The following PEX3 variants were observed in gnomAD, a reference collection of about 807,000 sequenced individuals.
PEX3 encodes peroxin-3.
A neutral mutation model predicts 55.8 loss-of-function variants in PEX3; 30 were observed. The observed-to-expected ratio is 0.54, with a 90% CI of 0.40 to 0.73. The LOEUF (loss-of-function observed/expected upper bound fraction) is 0.73, where lower values mean the gene tolerates loss of function less well. Ranked by LOEUF, PEX3 falls within the 30% of genes least tolerant of loss-of-function variation. The pLI, the probability that PEX3 is intolerant of heterozygous loss-of-function variation, is 0.00. For synonymous variants in PEX3, 135 were observed against 148.4 expected, an observed-to-expected ratio of 0.91 and a Z score of 0.66; for missense variants, 351 against 432.8, an observed-to-expected ratio of 0.81 and a Z score of 1.68.
chr6:143,485,705 AAC>A lies in PEX3; in HGVS notation c.1038+459_1038+460del, dbSNP rs567967151. Among the ~76,000 whole-genome samples, 319 of 152,220 alleles carry A rather than the reference AAC, an allele frequency of 2.1e-3. 1 individual carries two copies. Among genetic ancestry groups the A allele is most frequent in the Middle Eastern group, 6.8e-3 (2 of 294 alleles). ...TAATATGCTCACTAAAAGCCACATA[AAC>A]AGTGGGTCATTTAAATGTTTTATCA... On this transcript the variant is annotated intron_variant, in intron 11 of 11. Transcript: ENST00000367591. This position sits in a 1 kb window ranked among gnomAD's most constrained non-coding sequence, Gnocchi z 5.6.
In PEX3 at chr6:143,486,324, G is replaced by A. The variant is rs1780322847; in HGVS notation, c.1038+1076G>A. On this transcript the variant is annotated intron_variant, in intron 11 of 11. Transcript: ENST00000367591. The surrounding 1 kb of genome is among the most constrained non-coding windows in gnomAD (Gnocchi z 5.0). ...TTTACCTTTGTCCTCTTCTGTAGAAGTCCCTGGCTTGGCCAGTAGGCTGTT... is the reference window on the plus strand; with the variant it reads ...TTTACCTTTGTCCTCTTCTGTAGAAATCCCTGGCTTGGCCAGTAGGCTGTT... Among the ~76,000 whole-genome samples the A allele has an allele frequency of 6.6e-6, 1 of 152,124 alleles. No individual in the cohort carries two copies. Among genetic ancestry groups the A allele is most frequent in the Admixed American group, 6.6e-5 (1 of 15,250 alleles).
intron 10 of PEX3, among the ~76,000 whole-genome samples, chr6:143,481,245 A>G (rs936888955): frequency 6.6e-5 from 10 of 150,892 alleles, no homozygotes; most frequent in Admixed American, 2.0e-4. Context: ...TATAATGGAT[A>G]TTTAAAAGTC....
chr6:143,468,792 C>A (rs1780025626), intron 4 of PEX3, among the ~76,000 whole-genome samples: 1 of 107,620 alleles, frequency 9.3e-6, no homozygotes, highest in African/African-American at 3.5e-5. Flanking sequence ...GGTATATCTC[C>A]TAATGCTATC....
intron 8 of PEX3, 71 bp downstream of exon 8, chr6:143,472,399 T>G: frequency 9.1e-7 from 1 of 1,100,076 alleles, no homozygotes. Flanking sequence ...CTTGAAATTT[T>G]GATTTCTGAG....
In PEX3 at chr6:143,459,982, A is replaced by G. The variant is rs1779898170; in HGVS notation, c.205+766A>G. On this transcript the variant is annotated intron_variant, in intron 2 of 11. Coordinates refer to ENST00000367591, the MANE Select transcript of PEX3 (RefSeq NM_003630.3). The surrounding 1 kb of genome is among the most constrained non-coding windows in gnomAD (Gnocchi z 4.2). ...ACAAAATCAACCTGCCCATATTTGA[A>G]GAGAACAGTGTGTCCTAACTGGCAT... 6.6e-6 allele frequency among the ~76,000 whole-genome samples: 1 copy of G among 152,246 alleles called. No homozygotes were observed. The highest frequency in any genetic ancestry group is 1.5e-5 in the Non-Finnish European group (1 of 68,042).
At chr6:143,472,116 T>C (rs749584100) in intron 7 of PEX3, 44 bp from the exon 8 acceptor site, 4 of 1,302,260 alleles carry the variant, frequency 3.1e-6, no homozygotes. Flanking sequence ...TAGGATGTGT[T>C]GTATAGTTTC....
Position 143,457,738 on chromosome 6 carries a change from G to A in PEX3, c.74-1347G>A, listed in dbSNP as rs1389166957. Among the ~76,000 whole-genome samples, 3 of 152,154 alleles carry A rather than the reference G, an allele frequency of 2.0e-5. No homozygotes were observed. The East Asian group carries it at 5.8e-4, about 29-fold the overall frequency. ...CTGGCACACTTAAAAACATCTACTG[G>A]CAAACAGAGATTAAAAGTAACACAA... On this transcript the variant is annotated intron_variant, in intron 1 of 11. Transcript: ENST00000367591.
rs1276304191 is a variant in PEX3 at position 143,489,272 on chromosome 6, A to C, written c.*46A>C. ...ACAGTGGGATTCATTTACTTTTTAA[A>C]ATACACTGGGTAAATCACCTATACT... On this transcript the variant is annotated 3_prime_UTR_variant, in exon 12 of 12. Coordinates refer to ENST00000367591, the MANE Select transcript of PEX3 (RefSeq NM_003630.3). This position sits in a 1 kb window ranked among gnomAD's most constrained non-coding sequence, Gnocchi z 5.5. 4.9e-6 allele frequency: 5 copies of C among 1,018,714 alleles called. No individual in the cohort carries two copies. The highest frequency in any genetic ancestry group is 1.6e-5 in the African/African-American group (1 of 63,490). The allele number at this position is 1,018,714 out of a possible 1,614,324, so 63.1% of individuals were successfully genotyped here.
At chr6:143,473,452 A>G (rs1238057161) in intron 8 of PEX3, among the ~76,000 whole-genome samples, 2 of 152,220 alleles carry the variant, frequency 1.3e-5, no homozygotes, top group Non-Finnish European at 2.9e-5. Context: ...ACAGGACCAA[A>G]AAGAAAACAA....
At chr6:143,467,935 A>T (rs1780013573) in intron 3 of PEX3, among the ~76,000 whole-genome samples, 187 bp from the exon 4 acceptor site, 1 of 152,140 alleles carries the variant, frequency 6.6e-6, no homozygotes, top group Non-Finnish European at 1.5e-5. Flanking sequence ...TATACCAGTT[A>T]AAGTGGTTGT....
Position 143,458,614 on chromosome 6 carries a change from T to A in PEX3, c.74-471T>A, listed in dbSNP as rs776280566. ...TATTTTAGAAATTAAAACTCACCTA[T>A]TTTTTGTATCTGTTTCCATTAAAAA... is the stretch of plus-strand genomic sequence containing the variant. On this transcript the variant is annotated intron_variant, in intron 1 of 11. Coordinates refer to ENST00000367591, the MANE Select transcript of PEX3 (RefSeq NM_003630.3). This position sits in a 1 kb window ranked among gnomAD's most constrained non-coding sequence, Gnocchi z 6.1. 6.6e-6 allele frequency among the ~76,000 whole-genome samples: 1 copy of A among 152,216 alleles called. No homozygotes were observed. The highest frequency in any genetic ancestry group is 1.5e-5 in the Non-Finnish European group (1 of 68,030).
In PEX3 at chr6:143,489,676, G is replaced by T. The variant is rs1780362953; in HGVS notation, c.*450G>T. The T allele has an allele frequency of 6.6e-6, 1 of 152,018 alleles. No individual in the cohort carries two copies. Among genetic ancestry groups the T allele is most frequent in the African/African-American group, 2.4e-5 (1 of 41,414 alleles). 9.4% of individuals were successfully genotyped at this position (152,018 alleles called of 1,614,324 possible). On this transcript the variant is annotated 3_prime_UTR_variant, in exon 12 of 12. Coordinates refer to ENST00000367591, the MANE Select transcript of PEX3 (RefSeq NM_003630.3). This position sits in a 1 kb window ranked among gnomAD's most constrained non-coding sequence, Gnocchi z 5.5. Reference sequence around the variant, plus strand: ...AATGTTCCCTAGACTGCTGTAAACAGAAGTGAATCAGACTTTTCTCCAGCT... The same window carrying T: ...AATGTTCCCTAGACTGCTGTAAACATAAGTGAATCAGACTTTTCTCCAGCT...
At position 143,459,841 on chromosome 6, in the gene PEX3, C is replaced by T. The variant is rs1262123212; in HGVS notation, c.205+625C>T. Among the ~76,000 whole-genome samples, 1 of 152,198 alleles carries T rather than the reference C, an allele frequency of 6.6e-6. No individual in the cohort carries two copies. The highest frequency in any genetic ancestry group is 1.5e-5 in the Non-Finnish European group (1 of 68,032). ...AGAGTCATTAAGTTTATTAAATTTA[C>T]AGTAGGCAACTATAGACCTGTGAGT... On this transcript the variant is annotated intron_variant, in intron 2 of 11. Transcript: ENST00000367591. The surrounding 1 kb of genome is among the most constrained non-coding windows in gnomAD (Gnocchi z 4.2).
At chr6:143,456,934 A>G (rs2128745324) in intron 1 of PEX3, among the ~76,000 whole-genome samples, 1 of 152,304 alleles carries the variant, frequency 6.6e-6, no homozygotes, top group South Asian at 2.1e-4. Flanking sequence ...CCAAATGTAC[A>G]CACTTATATC....
At chr6:143,474,997 A>G (rs1780133401) in intron 9 of PEX3, 141 bp downstream of exon 9, 1 of 540,464 alleles carries the variant, frequency 1.9e-6, no homozygotes, top group Non-Finnish European at 3.2e-6. Flanking sequence ...CAGCCTTTAG[A>G]TAAGATTTCC....
rs1779930405 is a variant in PEX3 at position 143,462,303 on chromosome 6, G to C, written c.206-613G>C. Among the ~76,000 whole-genome samples, 1 of 152,068 alleles carries C rather than the reference G, an allele frequency of 6.6e-6. No individual in the cohort carries two copies. The highest frequency in any genetic ancestry group is 2.4e-5 in the African/African-American group (1 of 41,408). ...CACTTTTATTTATGTTATAATAAAT[G>C]TTTATTGCTTTGTAGTATTACAAAC... On this transcript the variant is annotated intron_variant, in intron 2 of 11. Transcript: ENST00000367591. The surrounding 1 kb of genome is among the most constrained non-coding windows in gnomAD (Gnocchi z 4.1).
At position 143,490,551 on chromosome 6, in the gene PEX3, TC is replaced by T. The variant is rs1780371735; in HGVS notation, c.*1326del. ...ACTCACATATGCTAATCTTGGCAAATCTGCCAAGCATGTCTTCACCAAGGGA... is the reference window on the plus strand; with the variant it reads ...ACTCACATATGCTAATCTTGGCAAATTGCCAAGCATGTCTTCACCAAGGGA... On this transcript the variant is annotated 3_prime_UTR_variant, in exon 12 of 12. Coordinates refer to ENST00000367591, the MANE Select transcript of PEX3 (RefSeq NM_003630.3). The surrounding 1 kb of genome is among the most constrained non-coding windows in gnomAD (Gnocchi z 6.0). The T allele has an allele frequency of 2.5e-5, 12 of 483,180 alleles. No individual in the cohort carries two copies. The East Asian group carries it at 8.4e-4, about 34-fold the overall frequency. The allele number at this position is 483,180 out of a possible 1,614,324, so 29.9% of individuals were successfully genotyped here.
At chr6:143,456,947 A>T (rs1779855251) in intron 1 of PEX3, among the ~76,000 whole-genome samples, 1 of 152,186 alleles carries the variant, frequency 6.6e-6, no homozygotes, top group African/African-American at 2.4e-5. Flanking sequence ...CTTATATCAT[A>T]CTGCCTATGC....
At position 143,490,072 on chromosome 6, in the gene PEX3, T is replaced by C. The variant is rs1407694071; in HGVS notation, c.*846T>C. 6.6e-6 allele frequency: 1 copy of C among 152,198 alleles called. No individual in the cohort carries two copies. Among genetic ancestry groups the C allele is most frequent in the Non-Finnish European group, 1.5e-5 (1 of 68,006 alleles). 9.4% of individuals were successfully genotyped at this position (152,198 alleles called of 1,614,324 possible). A position where few individuals can be genotyped will look rare whatever the true frequency, so the allele number is the denominator to read the frequency against. ...TACTTATCCCATAGCATTTTTGTTA[T>C]TATTTCGGAAGAGAGAGCATGCTAG... On this transcript the variant is annotated 3_prime_UTR_variant, in exon 12 of 12. Coordinates refer to ENST00000367591, the MANE Select transcript of PEX3 (RefSeq NM_003630.3). The surrounding 1 kb of genome is among the most constrained non-coding windows in gnomAD (Gnocchi z 6.0).
Sources: allele counts gnomAD v4.1 joint callset (sites outside exome capture counted in the v4.1 genomes callset), GRCh38; gene constraint gnomAD v4.1.1; non-coding constraint Gnocchi (gnomAD v3.1); transcripts MANE v1.5; gene names NCBI Gene and HGNC (gene_info 2026-07-23, HGNC 2026-07-21).